Variants in RGS12 observed in about 807,000 individuals in gnomAD.
RGS12 encodes regulator of G-protein signaling 12.
RGS12 carries 66 observed loss-of-function variants against 120.1 expected under a neutral mutation model. The ratio of observed to expected loss-of-function variants is 0.55; its 90% confidence interval spans 0.45 to 0.67. The LOEUF (loss-of-function observed/expected upper bound fraction) is 0.67. RGS12 is among the 30% of genes least tolerant of loss of function. The pLI is 0.00. For synonymous variants in RGS12, 827 were observed against 804.7 expected (o/e 1.03, Z -0.47); for missense variants, 1,859 against 1,957.7 (o/e 0.95, Z 0.95).
In RGS12 at chr4:3,406,456, G is replaced by C. The variant is rs1233210274; in HGVS notation, c.2021-7616G>C. Among the ~76,000 whole-genome samples, 4 of 152,302 alleles carry C rather than the reference G, an allele frequency of 2.6e-5. No individual in the cohort carries two copies. The South Asian group carries it at 8.3e-4, about 32-fold the overall frequency. On this transcript the variant is annotated intron_variant, in intron 4 of 17. Transcript: ENST00000336727. ...GCTGCTTGTGTGGCAGTGTCCATCC[G>C]GGAGTCAGTAGATGGGGTCAACAAA...
At chr4:3,313,995 G>C (rs541845132) in intron 1 of RGS12, among the ~76,000 whole-genome samples, 6 of 150,944 alleles carry the variant, frequency 4.0e-5, no homozygotes, top group African/African-American at 1.5e-4. Flanking sequence ...TTTTAATGAT[G>C]ATTTTTAATA....
chr4:3,344,295 A>C (rs1713578093), intron 3 of RGS12, among the ~76,000 whole-genome samples: 1 of 152,158 alleles, frequency 6.6e-6, no homozygotes, highest in Non-Finnish European at 1.5e-5. Flanking sequence ...AGCGTGCTGT[A>C]TCTGGGCGGG....
Position 3,342,967 on chromosome 4 carries a change from A to C in RGS12, c.1912A>C (p.Thr638Pro). 1 of 1,613,776 alleles carries C rather than the reference A, an allele frequency of 6.2e-7. No homozygotes were observed. Among genetic ancestry groups the C allele is most frequent in the Non-Finnish European group, 8.5e-7 (1 of 1,179,940 alleles). Residue 638 changes from threonine (T) to proline (P), a missense_variant, in exon 3 of 18, where the codon ACT becomes CCT. Thr to Pro is a conservative substitution (Grantham distance 38). This residue lies in a region of RGS12 where 967 missense variants were observed against 994.2 expected (regional missense o/e 0.97). Coordinates refer to ENST00000336727, the MANE Select transcript of RGS12 (RefSeq NM_001394154.1). ...GSKFGRGTGL[T>P]QPSQRTSARR... is the part of the protein sequence containing the mutation. The stretch of plus-strand genomic sequence containing the variant: ...AAAATTTGGGCGGGGAACTGGACTC[A>C]CTCAGCCTTCTCAACGCACGTCTGC...
intron 1 of RGS12, among the ~76,000 whole-genome samples, chr4:3,308,426 G>A (rs1300513412): frequency 6.6e-6 from 1 of 152,232 alleles, no homozygotes; most frequent in Non-Finnish European, 1.5e-5. Context: ...CTGAAATGGC[G>A]AGGCACCCTC....
intron 3 of RGS12, among the ~76,000 whole-genome samples, chr4:3,375,424 G>T (rs1717563346): frequency 2.1e-5 from 1 of 48,094 alleles, no homozygotes; most frequent in South Asian, 1.5e-3. Flanking sequence ...CTCATCTCCA[G>T]CCCTCATCTC....
chr4:3,398,159 C>G (rs1330782857), intron 4 of RGS12, among the ~76,000 whole-genome samples: 2 of 152,160 alleles, frequency 1.3e-5, no homozygotes, highest in African/African-American at 4.8e-5. Flanking sequence ...ATTTTAATTG[C>G]ATTTTCAATA....
rs1251352363 is a variant in RGS12, at chr4:3,389,980, A to G, written c.2020+3543A>G. 6.6e-6 allele frequency among the ~76,000 whole-genome samples: 1 copy of G among 150,958 alleles called. No individual in the cohort carries two copies. The highest frequency in any genetic ancestry group is 1.5e-5 in the Non-Finnish European group (1 of 67,700). ...ACTCTGTCCACTCAGCTGCCCCCCT[A>G]CTCGTCCTCCATGCAGACCTCAGTC... On this transcript the variant is annotated intron_variant, in intron 4 of 17. Transcript: ENST00000336727. The surrounding 1 kb of genome is among the most constrained non-coding windows in gnomAD (Gnocchi z 5.2).
intron 3 of RGS12, among the ~76,000 whole-genome samples, chr4:3,379,088 C>G (rs1041518814): frequency 4.6e-5 from 7 of 151,812 alleles, no homozygotes; most frequent in African/African-American, 1.5e-4. Flanking sequence ...CTTAAAGGAA[C>G]TCCTGCCATT....
In RGS12 at chr4:3,342,460, G is replaced by A. The variant is rs781235633; in HGVS notation, c.1882-477G>A. ...TTGGTTGGGTCTTCAGACACCAGCT[G>A]AATGCTTAGGGATTCTTTCATTTCC... On this transcript the variant is annotated intron_variant, in intron 2 of 17. Coordinates refer to ENST00000336727, the MANE Select transcript of RGS12 (RefSeq NM_001394154.1). 3.3e-5 allele frequency: 42 copies of A among 1,287,330 alleles called. 1 individual carries two copies. In the South Asian group the frequency reaches 5.1e-4, roughly 16 times the overall value. 79.7% of individuals were successfully genotyped at this position (1,287,330 alleles called of 1,614,324 possible).
At chr4:3,307,634 C>G (rs577317656) in intron 1 of RGS12, among the ~76,000 whole-genome samples, 1 of 152,224 alleles carries the variant, frequency 6.6e-6, no homozygotes, top group East Asian at 1.9e-4. Context: ...AGGCGTGGAT[C>G]GCGCACCTGC....
chr4:3,343,077 C>T (rs1713411258), intron 3 of RGS12, 24 bp downstream of exon 3: 1 of 1,545,972 alleles, frequency 6.5e-7, no homozygotes, highest in African/African-American at 1.4e-5. Flanking sequence ...CATTTTTCTT[C>T]TTTTCTCCTT....
chr4:3,363,730 G>C (rs1231574428), intron 3 of RGS12, among the ~76,000 whole-genome samples: 1 of 151,776 alleles, frequency 6.6e-6, no homozygotes, highest in Non-Finnish European at 1.5e-5. Flanking sequence ...ACAGCCCAAA[G>C]ACCAACAGTG....
intron 17 of RGS12, among the ~76,000 whole-genome samples, chr4:3,437,502 G>A (rs1458910504): frequency 6.6e-6 from 1 of 152,164 alleles, no homozygotes; most frequent in Non-Finnish European, 1.5e-5. Flanking sequence ...CTCCCCACAC[G>A]ATATCTCCCA....
intron 3 of RGS12, among the ~76,000 whole-genome samples, chr4:3,367,253 C>T (rs940087182): frequency 6.6e-6 from 1 of 152,276 alleles, no homozygotes; most frequent in African/African-American, 2.4e-5. Flanking sequence ...GGGGCTTCGC[C>T]TTCTCTGGGA....
chr4:3,297,218 T>C (rs1723431030), intron 1 of RGS12, among the ~76,000 whole-genome samples: 1 of 152,224 alleles, frequency 6.6e-6, no homozygotes, highest in Admixed American at 6.5e-5. Context: ...TCTACTCACA[T>C]ATCTTTTCCT....
At chr4:3,399,004 C>T (rs966748469) in intron 4 of RGS12, among the ~76,000 whole-genome samples, 2 of 152,106 alleles carry the variant, frequency 1.3e-5, no homozygotes, top group African/African-American at 4.8e-5. Flanking sequence ...AGAATTCATA[C>T]ATTTTAAAGT....
At chr4:3,292,737 G>C (rs780005940), upstream of RGS12, among the ~76,000 whole-genome samples, 28 of 152,222 alleles carry the variant, frequency 1.8e-4, no homozygotes, top group Admixed American at 1.4e-3. Flanking sequence ...GGGCCAGTGC[G>C]GGTACACACC....
chr4:3,343,284 C>G (rs1034207461), intron 3 of RGS12: 16 of 476,972 alleles, frequency 3.4e-5, no homozygotes, highest in African/African-American at 2.9e-4. Flanking sequence ...TTCTGTGTGC[C>G]AGACTCCAGT....
At chr4:3,406,653 T>C (rs1269212838) in intron 4 of RGS12, among the ~76,000 whole-genome samples, 3 of 152,210 alleles carry the variant, frequency 2.0e-5, no homozygotes, top group Non-Finnish European at 4.4e-5. Flanking sequence ...TCCAGGGAAC[T>C]TTGCTGGGCC....
Sources: gnomAD v4.1 joint callset for allele counts (sites outside exome capture counted in the v4.1 genomes callset) on GRCh38, gnomAD v4.1.1 for gene constraint, gnomAD v4.1.1 regional missense constraint, Gnocchi (gnomAD v3.1) non-coding constraint, MANE v1.5 for transcripts, NCBI Gene and HGNC (gene_info 2026-07-23, HGNC 2026-07-21) for gene names.